Variants in MEG3 observed in about 807,000 individuals in gnomAD.
MEG3 encodes the protein Very putative protein from MEG3 locus.
At chr14:100,860,326 G>C in exon 1 of MEG3, 2 of 256,616 alleles carry the variant, frequency 7.8e-6, no homozygotes, top group Non-Finnish European at 1.5e-5. Context: ...GGATAGGTTG[G>C]GCAGAAGAGC....
At chr14:100,830,270 T>A (rs1428721868), downstream of MEG3, 1 of 152,012 alleles carries the variant, frequency 6.6e-6, no homozygotes, top group Non-Finnish European at 1.5e-5. Flanking sequence ...CACCTTTTAA[T>A]AACAGTGTGA....
chr14:100,828,800 C>T (rs1226448586), exon 2 of MEG3: 1 of 151,366 alleles, frequency 6.6e-6, no homozygotes, highest in Admixed American at 6.6e-5. Flanking sequence ...GGGCCTGCTG[C>T]CCATCTACAC....
At chr14:100,855,762 A>C (rs2038223457), upstream of MEG3, 1 of 152,202 alleles carries the variant, frequency 6.6e-6, no homozygotes, top group South Asian at 2.1e-4. Context: ...AAAACAATGA[A>C]CACGTTGGTA....
At chr14:100,846,041 A>C (rs2037908495) in intron 3 of MEG3, 1 of 152,418 alleles carries the variant, frequency 6.6e-6, no homozygotes, top group Non-Finnish European at 1.5e-5. Flanking sequence ...TTCTGTCTTC[A>C]AAGTTTCCGG....
At chr14:100,843,594 G>C (rs1217160744) in intron 2 of MEG3, among the ~76,000 whole-genome samples, 1 of 152,222 alleles carries the variant, frequency 6.6e-6, no homozygotes, top group Non-Finnish European at 1.5e-5. Flanking sequence ...GGCAAGGCCA[G>C]GGAAGGAGAT....
At chr14:100,855,242 A>C (rs1261074160), upstream of MEG3, 3 of 152,554 alleles carry the variant, frequency 2.0e-5, no homozygotes, top group African/African-American at 7.2e-5. Context: ...CATTTGGCCT[A>C]CTTATCTTGA....
At chr14:100,830,568 T>C (rs2037370357), downstream of MEG3, 1 of 152,186 alleles carries the variant, frequency 6.6e-6, no homozygotes, top group Non-Finnish European at 1.5e-5. Flanking sequence ...GCTGTGTGTG[T>C]TTGTGTTCAA....
intron 2 of MEG3, among the ~76,000 whole-genome samples, chr14:100,836,693 G>A (rs1175685996): frequency 1.3e-5 from 2 of 152,114 alleles, no homozygotes; most frequent in East Asian, 1.9e-4. Context: ...GGACCCCTTC[G>A]GAGAGGAGGA....
chr14:100,834,901 C>G, exon 1 of MEG3: 1 of 431,266 alleles, frequency 2.3e-6, no homozygotes, highest in Non-Finnish European at 4.7e-6. Context: ...GGGGGCCTTG[C>G]TGGTCGCGTC....
downstream of MEG3, chr14:100,832,129 A>G (rs1414366649): frequency 6.6e-6 from 1 of 151,828 alleles, no homozygotes; most frequent in Non-Finnish European, 1.5e-5. Context: ...AAAAAGTAGG[A>G]AAGGGAGACT....
chr14:100,859,313 C>G (rs111230023), exon 1 of MEG3: 1 of 152,150 alleles, frequency 6.6e-6, no homozygotes, highest in African/African-American at 2.4e-5. Flanking sequence ...CCCTTCCTGC[C>G]GGGGACAGGC....
intron 2 of MEG3, among the ~76,000 whole-genome samples, chr14:100,844,661 G>A (rs757056828): frequency 5.3e-5 from 8 of 152,064 alleles, no homozygotes; most frequent in Non-Finnish European, 1.0e-4. Flanking sequence ...CATCATTAGG[G>A]CTCACTCTTT....
chr14:100,852,135 A>G, intron 3 of MEG3: 1 of 350,614 alleles, frequency 2.9e-6, no homozygotes, highest in South Asian at 2.1e-5. Context: ...CGTCATGCTC[A>G]GAGTGACTCT....
At chr14:100,856,979 C>G (rs1362420368), upstream of MEG3, 1 of 152,202 alleles carries the variant, frequency 6.6e-6, no homozygotes, top group Non-Finnish European at 1.5e-5. Flanking sequence ...ATGCAGCAGG[C>G]TGGGTGCCCA....
At position 100,858,204 on chromosome 14, in the gene MEG3, G is replaced by A. The variant is rs146660548; in HGVS notation, n.960G>A. On this transcript the variant is annotated non_coding_transcript_exon_variant, in exon 1 of 2. Coordinates refer to the MEG3 transcript ENST00000398460. ...GCCCCCAGCAAATGCAGCCTGGTGC[G>A]TCCCCACCCCTGCCAAGAGCCCAGG... 289 of 152,820 alleles carry A rather than the reference G, an allele frequency of 1.9e-3. 2 individuals carry two copies. Among genetic ancestry groups the A allele is most frequent in the Non-Finnish European group, 2.8e-3 (190 of 68,104 alleles). The allele number at this position is 152,820 out of a possible 1,614,324, so 9.5% of individuals were successfully genotyped here. A position where few individuals can be genotyped will look rare whatever the true frequency, so the allele number is the denominator to read the frequency against.
At chr14:100,846,467 G>GA (rs1378370080) in intron 3 of MEG3, 1 of 152,262 alleles carries the variant, frequency 6.6e-6, no homozygotes, top group African/African-American at 2.4e-5. Flanking sequence ...TGTGTTTCTG[G>GA]ACTGTGGGCT....
exon 1 of MEG3, chr14:100,834,576 G>T (rs191055605): frequency 7.8e-5 from 32 of 410,238 alleles, no homozygotes; most frequent in Admixed American, 6.7e-4. Flanking sequence ...TGCTTCTGTT[G>T]CCTTCTTCCT....
downstream of MEG3, chr14:100,831,590 G>A (rs1274932559): frequency 6.6e-6 from 1 of 152,406 alleles, no homozygotes; most frequent in African/African-American, 2.4e-5. Flanking sequence ...TGGACACAAG[G>A]ACACATTTTC....
At position 100,845,472 on chromosome 14, in the gene MEG3, T is replaced by A. The variant is rs780711431; in HGVS notation, n.3060T>A. 36 of 456,694 alleles carry A rather than the reference T, an allele frequency of 7.9e-5. No individual in the cohort carries two copies. The highest frequency in any genetic ancestry group is 6.4e-4 in the African/African-American group (32 of 50,096). 28.3% of individuals were successfully genotyped at this position (456,694 alleles called of 1,614,324 possible). A position where few individuals can be genotyped will look rare whatever the true frequency, so the allele number is the denominator to read the frequency against. On this transcript the variant is annotated non_coding_transcript_exon_variant, in exon 3 of 4. Coordinates refer to the MEG3 transcript ENST00000398461. This position sits in a 1 kb window ranked among gnomAD's most constrained non-coding sequence, Gnocchi z 5.2. ...TCTTGTTACAGCGGAAGCCATCACC[T>A]GGATGCCTACGTGGGAAGGGACCTC...
Sources: gnomAD v4.1 joint callset for allele counts (sites outside exome capture counted in the v4.1 genomes callset) on GRCh38, gnomAD v4.1.1 for gene constraint, Gnocchi (gnomAD v3.1) non-coding constraint, MANE v1.5 for transcripts, NCBI Gene and HGNC (gene_info 2026-07-23, HGNC 2026-07-21) for gene names.